The following ANGPT1 variants were observed in gnomAD, a reference collection of about 807,000 sequenced individuals.
The protein encoded by ANGPT1 is angiopoietin 1.
ANGPT1 carries 17 observed loss-of-function variants against 62.2 expected under a neutral mutation model. The ratio of observed to expected loss-of-function variants is 0.27; its 90% CI spans 0.19 to 0.41. The LOEUF is 0.41. Ranked by LOEUF, ANGPT1 falls within the 10% of genes least tolerant of loss-of-function variation. The pLI, the probability that ANGPT1 is intolerant of heterozygous loss-of-function variation, is 1.00. For synonymous variants in ANGPT1, 199 were observed against 198.9 expected (o/e 1.00, Z 0.00); for missense variants, 478 against 594.9 (o/e 0.80, Z 2.04).
In ANGPT1 at chr8:107,380,822, T is replaced by C. The variant is rs146318869; in HGVS notation, c.298-33725A>G. 6.1e-3 allele frequency among the ~76,000 whole-genome samples: 933 copies of C among 152,340 alleles called. 5 individuals are homozygous for C. Among genetic ancestry groups the C allele is most frequent in the Non-Finnish European group, 9.8e-3 (668 of 68,034 alleles). On this transcript the variant is annotated intron_variant, in intron 1 of 8. Transcript: ENST00000517746. ...AAAAGACAACGTCTTACTTTAGTGA[T>C]GGCTGTGTAGGACAGAGAACCTTAA...
intron 1 of ANGPT1, among the ~76,000 whole-genome samples, chr8:107,409,515 G>T (rs905963445): frequency 6.6e-6 from 1 of 152,048 alleles, no homozygotes; most frequent in Non-Finnish European, 1.5e-5. Flanking sequence ...AATCAGTTCA[G>T]CTTGAACAGC....
intron 4 of ANGPT1, among the ~76,000 whole-genome samples, chr8:107,313,397 G>A (rs1814924362): frequency 7.7e-6 from 1 of 129,408 alleles, no homozygotes; most frequent in African/African-American, 2.9e-5. Context: ...TAAATTATGA[G>A]TTCCTATAGG....
At chr8:107,463,693 TTA>T (rs1812128232) in intron 1 of ANGPT1, among the ~76,000 whole-genome samples, 1 of 152,056 alleles carries the variant, frequency 6.6e-6, no homozygotes, top group Non-Finnish European at 1.5e-5. Context: ...GATAATGTGA[TTA>T]TATATATAAT....
intron 7 of ANGPT1, chr8:107,284,099 A>G (rs1205526701): frequency 1.3e-5 from 2 of 152,182 alleles, no homozygotes; most frequent in Non-Finnish European, 2.9e-5. Flanking sequence ...TGTATAGTTT[A>G]TCTATTTTTA....
intron 1 of ANGPT1, among the ~76,000 whole-genome samples, chr8:107,391,701 TG>T (rs1204031467): frequency 6.6e-6 from 1 of 151,844 alleles, no homozygotes; most frequent in African/African-American, 2.4e-5. Flanking sequence ...CATCACAGAG[TG>T]TACTTACAGA....
rs189643448 is a variant in ANGPT1, at chr8:107,253,203, T to A, written c.1337-1188A>T. Among the ~76,000 whole-genome samples, 28 of 152,296 alleles carry A rather than the reference T, an allele frequency of 1.8e-4. No individual in the cohort carries two copies. In the East Asian group the frequency reaches 5.4e-3, roughly 29 times the overall value. ...TGATGAATTTGGAAAGACATTATAT[T>A]CCGTGCAGTTTTATCAACTGTATGC... On this transcript the variant is annotated intron_variant, in intron 8 of 8. Coordinates refer to ENST00000517746, the MANE Select transcript of ANGPT1 (RefSeq NM_001146.5).
At chr8:107,345,149 T>C (rs1041723290) in intron 2 of ANGPT1, among the ~76,000 whole-genome samples, 3 of 152,202 alleles carry the variant, frequency 2.0e-5, no homozygotes, top group African/African-American at 4.8e-5. Context: ...CATTGCTACT[T>C]GTGATGGATT....
At chr8:107,413,657 TTAA>T (rs1468314764) in intron 1 of ANGPT1, among the ~76,000 whole-genome samples, 2 of 150,288 alleles carry the variant, frequency 1.3e-5, no homozygotes, top group East Asian at 3.9e-4. Flanking sequence ...AAATATTAAA[TTAA>T]TATTATAAAA....
At chr8:107,381,541 G>A (rs1454822928) in intron 1 of ANGPT1, among the ~76,000 whole-genome samples, 1 of 152,148 alleles carries the variant, frequency 6.6e-6, no homozygotes, top group Non-Finnish European at 1.5e-5. Flanking sequence ...TGTGAGGGCA[G>A]CCCTGAAGAG....
chr8:107,325,266 G>C (rs139003656), intron 3 of ANGPT1, among the ~76,000 whole-genome samples: 1 of 152,132 alleles, frequency 6.6e-6, no homozygotes, highest in Non-Finnish European at 1.5e-5. Flanking sequence ...AATTAACCAC[G>C]ACCAGTGTCT....
At chr8:107,369,428 T>C (rs1421863818) in intron 1 of ANGPT1, among the ~76,000 whole-genome samples, 1 of 152,212 alleles carries the variant, frequency 6.6e-6, no homozygotes, top group East Asian at 1.9e-4. Flanking sequence ...AAGCCTATTT[T>C]GTTTTCTTAA....
At chr8:107,492,792 TA>T (rs578067427) in intron 1 of ANGPT1, among the ~76,000 whole-genome samples, 1 of 150,618 alleles carries the variant, frequency 6.6e-6, no homozygotes, top group African/African-American at 2.4e-5. Flanking sequence ...TATACAGATG[TA>T]TATTAATATA....
At chr8:107,458,046 A>C (rs1161434740) in intron 1 of ANGPT1, among the ~76,000 whole-genome samples, 3 of 152,148 alleles carry the variant, frequency 2.0e-5, no homozygotes, top group Non-Finnish European at 4.4e-5. Context: ...ATTTCTGTTC[A>C]GTTTCAAGTT....
At chr8:107,388,934 G>A (rs181843484) in intron 1 of ANGPT1, among the ~76,000 whole-genome samples, 9 of 152,264 alleles carry the variant, frequency 5.9e-5, no homozygotes, top group African/African-American at 2.2e-4. Context: ...GTTCAAAGGA[G>A]CCTGACATAT....
chr8:107,471,171 TAAAGAA>T (rs1295408291), intron 1 of ANGPT1, among the ~76,000 whole-genome samples: 1 of 152,030 alleles, frequency 6.6e-6, no homozygotes, highest in Non-Finnish European at 1.5e-5. Flanking sequence ...ATAGACTGGA[TAAAGAA>T]AATGTGGCAC....
chr8:107,308,468 T>C (rs142158623), intron 4 of ANGPT1, among the ~76,000 whole-genome samples: 72 of 152,278 alleles, frequency 4.7e-4, no homozygotes, highest in African/African-American at 1.6e-3. Flanking sequence ...GTCACCAGTT[T>C]AAATACAGCA....
At chr8:107,370,384 G>GAA (rs796912564) in intron 1 of ANGPT1, among the ~76,000 whole-genome samples, 6 of 55,578 alleles carry the variant, frequency 1.1e-4, no homozygotes, top group African/African-American at 2.7e-4. Flanking sequence ...AAGAAAGAAA[G>GAA]AAAGAAAGAA....
intron 1 of ANGPT1, among the ~76,000 whole-genome samples, chr8:107,474,098 T>G (rs1812439971): frequency 6.6e-6 from 1 of 152,084 alleles, no homozygotes; most frequent in African/African-American, 2.4e-5. Context: ...GACGCCAGCA[T>G]CATCCTGATA....
intron 4 of ANGPT1, among the ~76,000 whole-genome samples, chr8:107,317,487 T>G (rs1483975736): frequency 7.9e-5 from 12 of 152,088 alleles, no homozygotes; most frequent in African/African-American, 1.2e-4. Flanking sequence ...TTAAAAACTT[T>G]TTCTTTTCTT....
Sources: gnomAD v4.1 joint callset for allele counts (sites outside exome capture counted in the v4.1 genomes callset) on GRCh38, gnomAD v4.1.1 for gene constraint, MANE v1.5 for transcripts, NCBI Gene and HGNC (gene_info 2026-07-23, HGNC 2026-07-21) for gene names.